Variants in PLB1 observed in about 807,000 individuals in gnomAD.
The protein encoded by PLB1 is phospholipase B1, membrane-associated.
PLB1 carries 242 observed loss-of-function variants against 227.4 expected under a neutral mutation model. The ratio of observed to expected loss-of-function variants is 1.06; its 90% CI spans 0.96 to 1.18. The LOEUF (loss-of-function observed/expected upper bound fraction) is 1.18. PLB1 is among the 50% of genes most tolerant of loss of function. The pLI, the probability that PLB1 is intolerant of heterozygous loss-of-function variation, is 0.00. For synonymous variants in PLB1, 757 were observed against 682.2 expected (o/e 1.11, Z -1.71); for missense variants, 1,858 against 1,816.3 (o/e 1.02, Z -0.42).
chr2:28,501,183 C>T (rs1170576277), intron 1 of PLB1, among the ~76,000 whole-genome samples: 1 of 152,106 alleles, frequency 6.6e-6, no homozygotes, highest in Non-Finnish European at 1.5e-5. Context: ...TTTTTCATCT[C>T]CTTCTTTCAT....
intron 21 of PLB1, among the ~76,000 whole-genome samples, chr2:28,575,499 T>C (rs1412007284): frequency 1.3e-5 from 2 of 152,198 alleles, no homozygotes; most frequent in Non-Finnish European, 2.9e-5. Context: ...GCCACCTAAG[T>C]AGCTTTCTTA....
intron 17 of PLB1, among the ~76,000 whole-genome samples, chr2:28,560,210 A>G (rs1408465850): frequency 6.6e-6 from 1 of 152,202 alleles, no homozygotes; most frequent in East Asian, 1.9e-4. Flanking sequence ...AGCTATTTCA[A>G]TAATTTAGTG....
intron 49 of PLB1, 26 bp downstream of exon 49, chr2:28,621,004 G>A (rs35800423): frequency 1.3e-5 from 20 of 1,568,686 alleles, no homozygotes; most frequent in African/African-American, 1.1e-4. Context: ...ACAGGAGGGC[G>A]AGTGGAAGGC....
intron 46 of PLB1, among the ~76,000 whole-genome samples, chr2:28,619,527 T>G (rs913793257): frequency 2.6e-5 from 4 of 151,182 alleles, no homozygotes; most frequent in East Asian, 1.9e-4. Flanking sequence ...AGGTTTTGTT[T>G]TTTTTTTTTT....
intron 1 of PLB1, among the ~76,000 whole-genome samples, chr2:28,510,087 A>G (rs532763822): frequency 1.3e-5 from 2 of 152,362 alleles, no homozygotes; most frequent in African/African-American, 4.8e-5. Context: ...AGTTATGTGA[A>G]GAAATCCCAG....
intron 2 of PLB1, among the ~76,000 whole-genome samples, chr2:28,517,599 T>C (rs2148176381): frequency 6.6e-6 from 1 of 152,334 alleles, no homozygotes; most frequent in East Asian, 1.9e-4. Flanking sequence ...TACTTAATTT[T>C]GTATAAGTTA....
intron 18 of PLB1, among the ~76,000 whole-genome samples, chr2:28,564,081 A>G (rs922554204): frequency 1.3e-5 from 2 of 152,156 alleles, no homozygotes; most frequent in African/African-American, 4.8e-5. Context: ...CTCTACAAAA[A>G]AGAAAAGAAA....
At chr2:28,516,110 TA>T (rs1188137061) in intron 1 of PLB1, among the ~76,000 whole-genome samples, 1 of 152,226 alleles carries the variant, frequency 6.6e-6, no homozygotes, top group African/African-American at 2.4e-5. Flanking sequence ...TTTGTGTAGA[TA>T]AAAAACATGG....
At chr2:28,591,848 C>A in intron 31 of PLB1, 88 bp downstream of exon 31, 1 of 1,317,738 alleles carries the variant, frequency 7.6e-7, no homozygotes, top group Non-Finnish European at 1.1e-6. Flanking sequence ...TTCACACTCA[C>A]TAAATGGCAC....
chr2:28,526,086 G>A (rs1670223181), intron 6 of PLB1, 141 bp downstream of exon 6: 1 of 922,132 alleles, frequency 1.1e-6, no homozygotes, highest in African/African-American at 1.7e-5. Context: ...GTTCTGAGAG[G>A]ACAGATCAGG....
chr2:28,511,655 G>T (rs1321724494), intron 1 of PLB1, among the ~76,000 whole-genome samples: 1 of 152,112 alleles, frequency 6.6e-6, no homozygotes, highest in African/African-American at 2.4e-5. Flanking sequence ...TAGATACATA[G>T]ACTATTATAG....
chr2:28,578,190 A>G (rs1679320318), intron 22 of PLB1, 32 bp downstream of exon 22: 1 of 1,605,728 alleles, frequency 6.2e-7, no homozygotes, highest in African/African-American at 1.3e-5. Flanking sequence ...TAGGCAGGAA[A>G]AATCCCTGGA....
chr2:28,605,985 C>T (rs764610252), intron 42 of PLB1, 37 bp downstream of exon 42: 22 of 1,522,980 alleles, frequency 1.4e-5, no homozygotes, highest in Non-Finnish European at 2.0e-5. Context: ...CTCTGGGGTT[C>T]TAGTCTAGGG....
chr2:28,598,813 T>C, intron 35 of PLB1, 53 bp downstream of exon 35: 2 of 1,454,502 alleles, frequency 1.4e-6, no homozygotes, highest in Non-Finnish European at 1.9e-6. Flanking sequence ...GGAATGTGGA[T>C]AGTACCCTTT....
At chr2:28,609,386 C>A (rs1685125930) in intron 43 of PLB1, among the ~76,000 whole-genome samples, 1 of 152,016 alleles carries the variant, frequency 6.6e-6, no homozygotes, top group African/African-American at 2.4e-5. Flanking sequence ...AAATACATTT[C>A]CCCTTGGATG....
intron 1 of PLB1, among the ~76,000 whole-genome samples, chr2:28,503,111 G>T (rs1475556002): frequency 6.6e-6 from 1 of 151,932 alleles, no homozygotes. Context: ...TATCTTACCA[G>T]AGGTTTGTCT....
At chr2:28,640,865 C>T in intron 56 of PLB1, 62 bp from the exon 57 acceptor site, 2 of 1,525,276 alleles carry the variant, frequency 1.3e-6, no homozygotes, top group Non-Finnish European at 1.8e-6. Flanking sequence ...GAGACACCCC[C>T]TCAGAGAGGA....
rs571745614 is a variant in PLB1, at chr2:28,566,964, G to A, written c.1324+125G>A. Reference sequence around the variant, plus strand: ...TGCAGGAGCCCGCTAAATTCACCAGGGGGCGCTGCCTCCCGAGACTGCCGC... The same window carrying A: ...TGCAGGAGCCCGCTAAATTCACCAGAGGGCGCTGCCTCCCGAGACTGCCGC... On this transcript the variant is annotated intron_variant, in intron 20 of 57. Transcript: ENST00000327757. 4.4e-6 allele frequency: 5 copies of A among 1,129,840 alleles called. No homozygotes were observed. The East Asian group carries it at 7.2e-5, about 16-fold the overall frequency. 70.0% of individuals were successfully genotyped at this position (1,129,840 alleles called of 1,614,324 possible).
intron 1 of PLB1, among the ~76,000 whole-genome samples, chr2:28,497,552 G>A (rs1666597393): frequency 6.6e-6 from 1 of 152,158 alleles, no homozygotes. Context: ...GTCCTGAGTT[G>A]GAAGCAGAGC....
Sources: gnomAD v4.1 joint callset for allele counts (sites outside exome capture counted in the v4.1 genomes callset) on GRCh38, gnomAD v4.1.1 for gene constraint, MANE v1.5 for transcripts, NCBI Gene and HGNC (gene_info 2026-07-23, HGNC 2026-07-21) for gene names.